DHRS9: variants seen among roughly 807,000 people sequenced by gnomAD.
DHRS9 encodes the protein dehydrogenase/reductase 9.
A neutral mutation model predicts 26.6 loss-of-function variants in DHRS9; 18 were observed. That is an observed-to-expected ratio of 0.68 (90% CI 0.47 to 1.00). The LOEUF (loss-of-function observed/expected upper bound fraction) is 1.00. Ranked by LOEUF, DHRS9 falls within the 50% of genes least tolerant of loss-of-function variation. The pLI is 0.00. For synonymous variants in DHRS9, 134 were observed against 141.1 expected (o/e 0.95, Z 0.36); for missense variants, 425 against 378.7 (o/e 1.12, Z -1.01).
chr2:169,069,818 A>G lies in DHRS9; in HGVS notation c.-60+101A>G, dbSNP rs1023852395. 1.4e-5 allele frequency: 13 copies of G among 946,830 alleles called. No homozygotes were observed. In the African/African-American group the frequency reaches 2.1e-4, roughly 15 times the overall value. 58.7% of individuals were successfully genotyped at this position (946,830 alleles called of 1,614,324 possible). On this transcript the variant is annotated intron_variant, in intron 1 of 4. Transcript: ENST00000674881. ...TTGCAGAATGAATCGGTGGTCTTTC[A>G]AGCTGTGGTCAATGTTGCTACTTCT...
rs61995931 is a variant in DHRS9 at position 169,081,813 on chromosome 2, C to T, written c.232C>T (p.Arg78Cys). 4,283 of 1,614,056 alleles carry T rather than the reference C, an allele frequency of 2.7e-3. 107 individuals carry two copies. In the African/African-American group the frequency reaches 0.051, roughly 19 times the overall value. Reference sequence around the variant, plus strand: ...AAAGGCAGAAACCTCAGAGAGACTTCGTACTGTGCTTCTGGATGTGACCGA... The same window carrying T: ...AAAGGCAGAAACCTCAGAGAGACTTTGTACTGTGCTTCTGGATGTGACCGA... ...ALKAETSERL[R>C]TVLLDVTDPE... The change falls in exon 2 of 5, where the codon CGT becomes TGT. Residue 78 changes from arginine to cysteine, a missense_variant. By Grantham distance (180) the Arg-to-Cys change is radical. Transcript: ENST00000674881.
chr2:169,083,735 A>T, intron 3 of DHRS9, 148 bp downstream of exon 3: 4 of 895,902 alleles, frequency 4.5e-6, no homozygotes, highest in Non-Finnish European at 6.6e-6. Flanking sequence ...ATATATATTT[A>T]TGGTTATATG....
upstream of DHRS9, among the ~76,000 whole-genome samples, chr2:169,068,078 T>G (rs775081055): frequency 4.5e-4 from 68 of 152,242 alleles, no homozygotes; most frequent in Non-Finnish European, 2.5e-4. Flanking sequence ...TCTTTGCCCT[T>G]TTCAGTTAAC....
At chr2:169,073,348 T>C (rs888738115) in intron 1 of DHRS9, among the ~76,000 whole-genome samples, 1 of 152,166 alleles carries the variant, frequency 6.6e-6, no homozygotes, top group Non-Finnish European at 1.5e-5. Context: ...TGAAGATAAT[T>C]TTGTCGTAAG....
chr2:169,076,961 C>A (rs1024095938), intron 1 of DHRS9, among the ~76,000 whole-genome samples: 6 of 152,158 alleles, frequency 3.9e-5, no homozygotes, highest in African/African-American at 1.4e-4. Context: ...GGTCTTCACC[C>A]TTACCATCTT....
chr2:169,079,983 G>GAA (rs1352055001), intron 1 of DHRS9, among the ~76,000 whole-genome samples: 1 of 46,798 alleles, frequency 2.1e-5, no homozygotes, highest in Non-Finnish European at 4.0e-5. Flanking sequence ...GAGAGAGAGA[G>GAA]AGAAAGAAAG....
chr2:169,072,728 T>C (rs1441315253), intron 1 of DHRS9: 1 of 875,036 alleles, frequency 1.1e-6, no homozygotes, highest in Non-Finnish European at 1.4e-6. Flanking sequence ...TGGTTTCTTT[T>C]GAATCTTTGT....
Position 169,081,696 on chromosome 2 carries a change from T to TTTTATCA in DHRS9, c.115_116insTTTATCA (p.Ser39PhefsTer14). The TTTTATCA allele has an allele frequency of 6.2e-7, 1 of 1,614,184 alleles. No individual in the cohort carries two copies. The highest frequency in any genetic ancestry group is 8.5e-7 in the Non-Finnish European group (1 of 1,180,024). On this transcript the variant is annotated frameshift_variant, in exon 2 of 5. Coordinates refer to ENST00000674881, the MANE Select transcript of DHRS9 (RefSeq NM_001376924.1). LOFTEE classifies it high-confidence loss of function. ...GTACATTTTTATCACTGGATGTGAC[T>TTTTATCA]CGGGCTTTGGAAACTTGGCAGCCAG...
chr2:169,087,994 A>G (rs888665955), intron 3 of DHRS9, among the ~76,000 whole-genome samples: 3 of 152,152 alleles, frequency 2.0e-5, no homozygotes, highest in African/African-American at 7.2e-5. Context: ...TGGCTGCCCA[A>G]GCTGGCATCT....
chr2:169,067,506 G>A (rs1683678681), upstream of DHRS9, among the ~76,000 whole-genome samples: 1 of 152,166 alleles, frequency 6.6e-6, no homozygotes, highest in South Asian at 2.1e-4. Flanking sequence ...GTTGTCTGTG[G>A]TGGCATCTAG....
In DHRS9 at chr2:169,083,546, T is replaced by G. The variant is rs1438840096; in HGVS notation, c.531T>G (p.Thr177=). ...TTGCAATCGTTGGAGGGGGCTATAC[T>G]CCATCCAAATATGCAGTGGAAGGTT... ...GRLAIVGGGY[T]PSKYAVEGFN... is the part of the protein sequence containing the mutation. Residue 177 remains threonine (T), a synonymous_variant, in exon 3 of 5, where the codon ACT becomes ACG. Transcript: ENST00000674881. The G allele has an allele frequency of 6.2e-7, 1 of 1,614,028 alleles. No individual in the cohort carries two copies. Among genetic ancestry groups the G allele is most frequent in the Non-Finnish European group, 8.5e-7 (1 of 1,179,958 alleles).
intron 3 of DHRS9, 112 bp downstream of exon 3, chr2:169,083,699 C>T: frequency 7.6e-7 from 1 of 1,323,200 alleles, no homozygotes; most frequent in East Asian, 2.5e-5. Context: ...ATATTTATCT[C>T]TAATTTTTGT....
chr2:169,095,481 C>A, intron 4 of DHRS9, 63 bp from the exon 5 acceptor site: 1 of 1,364,478 alleles, frequency 7.3e-7, no homozygotes, highest in South Asian at 1.2e-5. Context: ...CCCTTTGCAC[C>A]CTAGACTTCC....
chr2:169,092,435 G>A (rs931107505), intron 4 of DHRS9, among the ~76,000 whole-genome samples: 12 of 152,184 alleles, frequency 7.9e-5, no homozygotes, highest in African/African-American at 2.9e-4. Context: ...TTACAACCTA[G>A]TTGACAACAA....
At chr2:169,091,466 C>T (rs1232999243) in intron 3 of DHRS9, among the ~76,000 whole-genome samples, 1 of 152,044 alleles carries the variant, frequency 6.6e-6, no homozygotes, top group African/African-American at 2.4e-5. Flanking sequence ...GGTTTAAGTA[C>T]TGATAAGAAA....
chr2:169,070,004 C>G (rs974941100), intron 1 of DHRS9: 74 of 807,024 alleles, frequency 9.2e-5, no homozygotes, highest in Non-Finnish European at 7.9e-5. Flanking sequence ...TTTATTTTCT[C>G]TGTGCCTTCT....
intron 4 of DHRS9, among the ~76,000 whole-genome samples, chr2:169,094,827 G>A (rs552624021): frequency 6.6e-6 from 1 of 152,218 alleles, no homozygotes; most frequent in Non-Finnish European, 1.5e-5. Flanking sequence ...AAAGACTGGG[G>A]TTGTAATCCA....
At chr2:169,088,618 CAGTGTAT>C (rs1386846722) in intron 3 of DHRS9, among the ~76,000 whole-genome samples, 2 of 152,126 alleles carry the variant, frequency 1.3e-5, no homozygotes, top group Non-Finnish European at 2.9e-5. Context: ...AAGTTATTCC[CAGTGTAT>C]AGATGATGCC....
At chr2:169,072,556 A>G (rs1181322970) in intron 1 of DHRS9, 4 of 958,864 alleles carry the variant, frequency 4.2e-6, no homozygotes, top group Middle Eastern at 5.3e-4. Flanking sequence ...AAATAATCCT[A>G]TTTTAACTTT....
Sources: gnomAD v4.1 joint callset for allele counts (sites outside exome capture counted in the v4.1 genomes callset) on GRCh38, gnomAD v4.1.1 for gene constraint, MANE v1.5 for transcripts, NCBI Gene and HGNC (gene_info 2026-07-23, HGNC 2026-07-21) for gene names.